The following PRKAG2 variants were observed in gnomAD, a reference collection of about 807,000 sequenced individuals.
PRKAG2 encodes the protein protein kinase AMP-activated non-catalytic subunit gamma 2, also known as 5'-AMP-activated protein kinase subunit gamma-2.
In PRKAG2, 26 loss-of-function variants were observed where a neutral mutation model predicts 69.6. That is an observed-to-expected ratio of 0.37 (90% CI 0.27 to 0.52). The LOEUF is 0.52. Ranked by LOEUF, PRKAG2 falls within the 20% of genes least tolerant of loss-of-function variation. PRKAG2 has a pLI of 0.90. For synonymous variants in PRKAG2, 293 were observed against 285.0 expected, an observed-to-expected ratio of 1.03 and a Z score of -0.28; for missense variants, 557 against 740.0, an observed-to-expected ratio of 0.75 and a Z score of 2.87.
intron 3 of PRKAG2, among the ~76,000 whole-genome samples, chr7:151,689,336 CA>C (rs1277565404): frequency 3.3e-5 from 5 of 152,136 alleles, no homozygotes; most frequent in African/African-American, 1.2e-4. Context: ...CTGGATGAGG[CA>C]CAGGTGGGAA....
intron 1 of PRKAG2, among the ~76,000 whole-genome samples, chr7:151,863,053 G>A (rs1439751382): frequency 6.8e-6 from 1 of 147,376 alleles, no homozygotes; most frequent in Non-Finnish European, 1.5e-5. Flanking sequence ...TGGGGTGCAG[G>A]GGGCGCTGGT....
At chr7:151,662,382 T>C (rs898105448) in intron 4 of PRKAG2, among the ~76,000 whole-genome samples, 11 of 152,288 alleles carry the variant, frequency 7.2e-5, no homozygotes, top group Non-Finnish European at 1.3e-4. Flanking sequence ...GACACTGTCA[T>C]CCTTCCTTTC....
At chr7:151,785,275 A>G (rs1416005560) in intron 2 of PRKAG2, among the ~76,000 whole-genome samples, 1 of 152,212 alleles carries the variant, frequency 6.6e-6, no homozygotes, top group Non-Finnish European at 1.5e-5. Context: ...TCTTCCGTGC[A>G]AGGTTTTCAC....
chr7:151,730,529 AAAAAG>A (rs1181376233), intron 3 of PRKAG2, among the ~76,000 whole-genome samples: 2 of 152,176 alleles, frequency 1.3e-5, no homozygotes, highest in Admixed American at 6.5e-5. Flanking sequence ...AAAGTAAAAT[AAAAAG>A]AAAATTTCTA....
At chr7:151,813,492 G>GGAA (rs768582354) in intron 1 of PRKAG2, among the ~76,000 whole-genome samples, 2 of 137,988 alleles carry the variant, frequency 1.4e-5, no homozygotes, top group Non-Finnish European at 3.1e-5. Context: ...CGATTGTAAG[G>GGAA]AAAAAAAAAA....
In PRKAG2 at chr7:151,695,924, G is replaced by A. The variant is rs548581385; in HGVS notation, c.467-20287C>T. Among the ~76,000 whole-genome samples, 10 of 152,260 alleles carry A rather than the reference G, an allele frequency of 6.6e-5. 1 individual carries two copies. Among genetic ancestry groups the A allele is most frequent in the Admixed American group, 4.6e-4 (7 of 15,298 alleles). On this transcript the variant is annotated intron_variant, in intron 3 of 15. Coordinates refer to ENST00000287878, the MANE Select transcript of PRKAG2 (RefSeq NM_016203.4). Reference sequence around the variant, plus strand: ...TGTCCTCCAGACCTCAGCACAGCAAGAACAGTCTGGTGTTCATCCGGGCAG... The same window carrying A: ...TGTCCTCCAGACCTCAGCACAGCAAAAACAGTCTGGTGTTCATCCGGGCAG...
chr7:151,755,188 C>T (rs967625252), intron 3 of PRKAG2, among the ~76,000 whole-genome samples: 2 of 152,088 alleles, frequency 1.3e-5, no homozygotes, highest in African/African-American at 4.8e-5. Flanking sequence ...AGGTGGTGCT[C>T]CTTAGCTGAG....
At chr7:151,789,805 G>A (rs1381429630) in intron 1 of PRKAG2, among the ~76,000 whole-genome samples, 1 of 152,180 alleles carries the variant, frequency 6.6e-6, no homozygotes, top group Admixed American at 6.5e-5. Context: ...GGAGAGCTGC[G>A]TGCCTCCCAA....
rs1317659852 is a variant in PRKAG2, at chr7:151,797,869, C to CAGTGGATTATGAAATCAATTT, written c.115-11349_115-11329dup. 2.0e-5 allele frequency among the ~76,000 whole-genome samples: 3 copies of CAGTGGATTATGAAATCAATTT among 152,222 alleles called. No individual in the cohort carries two copies. In the South Asian group the frequency reaches 6.2e-4, roughly 32 times the overall value. On this transcript the variant is annotated intron_variant, in intron 1 of 15. Coordinates refer to ENST00000287878, the MANE Select transcript of PRKAG2 (RefSeq NM_016203.4). ...CTTCACACTGACAGTCCCAACTTGT[C>CAGTGGATTATGAAATCAATTT]AGTGGATTATGAAATCAATTTAGTG...
At position 151,795,890 on chromosome 7, in the gene PRKAG2, T is replaced by TATATATAAAA. The variant is rs1491286413; in HGVS notation, c.115-9350_115-9349insTTTTATATAT. Among the ~76,000 whole-genome samples the TATATATAAAA allele has an allele frequency of 3.9e-3, 373 of 96,518 alleles. 5 individuals are homozygous for TATATATAAAA. Among genetic ancestry groups the TATATATAAAA allele is most frequent in the African/African-American group, 0.016 (358 of 22,688 alleles). The allele number at this position is 96,518 out of a possible 152,430, so 63.3% of individuals were successfully genotyped here. On this transcript the variant is annotated intron_variant, in intron 1 of 15. Transcript: ENST00000287878. ...ATATATATATATATATATATATATA[T>TATATATAAAA]CACGATAATATGTATATGTAATCAT...
intron 1 of PRKAG2, among the ~76,000 whole-genome samples, chr7:151,816,127 T>TG (rs953077870): frequency 2.6e-5 from 4 of 152,084 alleles, no homozygotes; most frequent in Non-Finnish European, 5.9e-5. Flanking sequence ...GCTGGGACTT[T>TG]GGGGGGCCTC....
At chr7:151,625,397 G>A (rs1346043069) in intron 5 of PRKAG2, among the ~76,000 whole-genome samples, 1 of 152,192 alleles carries the variant, frequency 6.6e-6, no homozygotes, top group Non-Finnish European at 1.5e-5. Context: ...GGCACCAGGT[G>A]AGGCTGGGGA....
At chr7:151,754,945 A>G (rs7778077) in intron 3 of PRKAG2, among the ~76,000 whole-genome samples, 88,396 of 151,750 alleles carry the variant, frequency 0.58, 26,797 homozygotes, top group East Asian at 0.95. Context: ...GGGTCGCTGC[A>G]GGCTCTCTGA....
At position 151,795,175 on chromosome 7, in the gene PRKAG2, G is replaced by A. The variant is rs573244314; in HGVS notation, c.115-8634C>T. ...ATCCCCCAGAAGGAGGGAGAGTGGG[G>A]GGCAGGGGCAGCACCTAGAGGGACA... On this transcript the variant is annotated intron_variant, in intron 1 of 15. Coordinates refer to ENST00000287878, the MANE Select transcript of PRKAG2 (RefSeq NM_016203.4). Among the ~76,000 whole-genome samples, 192 of 152,344 alleles carry A rather than the reference G, an allele frequency of 1.3e-3. 3 individuals are homozygous for A. In the Middle Eastern group the frequency reaches 0.02, roughly 16 times the overall value.
At chr7:151,841,066 G>T (rs919642620) in intron 1 of PRKAG2, among the ~76,000 whole-genome samples, 2 of 152,302 alleles carry the variant, frequency 1.3e-5, no homozygotes, top group African/African-American at 4.8e-5. Flanking sequence ...TCAGCTCACT[G>T]CACCCTTGGC....
At chr7:151,724,480 A>T (rs1365707175) in intron 3 of PRKAG2, among the ~76,000 whole-genome samples, 1 of 152,128 alleles carries the variant, frequency 6.6e-6, no homozygotes, top group Non-Finnish European at 1.5e-5. Flanking sequence ...TTCCCAAGGC[A>T]GGGAGGTTCC....
At chr7:151,742,812 GGC>G (rs1023946914) in intron 3 of PRKAG2, among the ~76,000 whole-genome samples, 1 of 152,014 alleles carries the variant, frequency 6.6e-6, no homozygotes, top group African/African-American at 2.4e-5. Context: ...ACAGAGGTGG[GGC>G]ACAAAAAACT....
chr7:151,740,933 T>C (rs2073839901), intron 3 of PRKAG2, among the ~76,000 whole-genome samples: 3 of 152,238 alleles, frequency 2.0e-5, no homozygotes, highest in Non-Finnish European at 4.4e-5. Context: ...CTGTTAAATA[T>C]GGTAGCCCAA....
chr7:151,645,578 G>A (rs1438202128), intron 4 of PRKAG2, among the ~76,000 whole-genome samples: 1 of 152,030 alleles, frequency 6.6e-6, no homozygotes, highest in East Asian at 1.9e-4. Context: ...TAATACAATG[G>A]GTTTTAAAAA....
Sources: allele counts gnomAD v4.1 joint callset (sites outside exome capture counted in the v4.1 genomes callset), GRCh38; gene constraint gnomAD v4.1.1; transcripts MANE v1.5; gene names NCBI Gene and HGNC (gene_info 2026-07-23, HGNC 2026-07-21).